Variants in NT5DC3 observed in about 807,000 individuals in gnomAD.
NT5DC3 encodes 5'-nucleotidase domain-containing protein 3.
A neutral mutation model predicts 67.8 loss-of-function variants in NT5DC3; 42 were observed. The ratio of observed to expected loss-of-function variants is 0.62; its 90% confidence interval spans 0.48 to 0.80. The LOEUF (loss-of-function observed/expected upper bound fraction) is 0.80. Ranked by LOEUF, NT5DC3 falls within the 30% of genes least tolerant of loss-of-function variation. NT5DC3 has a pLI of 0.00. For missense variants in NT5DC3, 570 were observed against 696.4 expected (o/e 0.82, Z 2.04); for synonymous variants, 237 against 255.6 (o/e 0.93, Z 0.69).
At chr12:103,769,834 G>C (rs889197966), downstream of NT5DC3, among the ~76,000 whole-genome samples, 3 of 152,262 alleles carry the variant, frequency 2.0e-5, no homozygotes, top group Admixed American at 6.5e-5. Context: ...AAATGTGTTA[G>C]CTTGTTAATT....
chr12:103,835,146 C>A (rs1888093258), intron 1 of NT5DC3, among the ~76,000 whole-genome samples: 1 of 152,202 alleles, frequency 6.6e-6, no homozygotes, highest in African/African-American at 2.4e-5. Context: ...TGAACCCTCC[C>A]TATCAGACTC....
chr12:103,759,390 A>G, the NT5DC3 span: 1 of 1,414,346 alleles, frequency 7.1e-7, no homozygotes, highest in African/African-American at 1.4e-5. Flanking sequence ...CTAAACCTGC[A>G]GATAGGGGAC....
At chr12:103,829,032 A>G (rs570227863) in intron 1 of NT5DC3, among the ~76,000 whole-genome samples, 2 of 152,208 alleles carry the variant, frequency 1.3e-5, no homozygotes, top group South Asian at 2.1e-4. Context: ...TACCACATAC[A>G]TGTGTGTCCC....
intron 1 of NT5DC3, among the ~76,000 whole-genome samples, chr12:103,816,606 T>C (rs532914817): frequency 2.0e-5 from 3 of 152,348 alleles, no homozygotes; most frequent in African/African-American, 7.2e-5. Flanking sequence ...TTCTATTTTT[T>C]TCTTGGAAGC....
rs768622028 is a variant in NT5DC3 at position 103,775,613 on chromosome 12, C to A, written c.*2216G>T. ...CCATTAAGTGTCAGCCTCCAATACACCCTGATGGCGAAAACACCTAGAAGC... is the reference window on the plus strand; with the variant it reads ...CCATTAAGTGTCAGCCTCCAATACAACCTGATGGCGAAAACACCTAGAAGC... On this transcript the variant is annotated 3_prime_UTR_variant, in exon 14 of 14. Coordinates refer to ENST00000392876, the MANE Select transcript of NT5DC3 (RefSeq NM_001031701.3). 5 of 152,158 alleles carry A rather than the reference C, an allele frequency of 3.3e-5. No individual in the cohort carries two copies. Among genetic ancestry groups the A allele is most frequent in the East Asian group, 3.9e-4 (2 of 5,190 alleles). The allele number at this position is 152,158 out of a possible 1,614,324, so 9.4% of individuals were successfully genotyped here.
intron 9 of NT5DC3, among the ~76,000 whole-genome samples, chr12:103,790,770 G>A (rs1487872857): frequency 3.5e-5 from 5 of 141,722 alleles, no homozygotes; most frequent in African/African-American, 1.3e-4. Context: ...GCATGACCTC[G>A]GCTCTGCCTC....
At chr12:103,751,907 A>G in the NT5DC3 span, among the ~76,000 whole-genome samples, 2 of 152,212 alleles carry the variant, frequency 1.3e-5, no homozygotes, top group Non-Finnish European at 2.9e-5. Context: ...GGTTACCATT[A>G]GCTTGGGAGA....
intron 13 of NT5DC3, 82 bp from the exon 14 acceptor site, chr12:103,778,163 C>CT (rs141837728): frequency 4.7e-4 from 602 of 1,273,134 alleles, no homozygotes; most frequent in African/African-American, 4.7e-3. Context: ...AAAATCACTT[C>CT]TTTTTTTAAA....
intron 1 of NT5DC3, 23 bp from the exon 2 acceptor site, chr12:103,815,144 C>T (rs1416343193): frequency 1.4e-6 from 2 of 1,459,646 alleles, no homozygotes; most frequent in South Asian, 1.2e-5. Flanking sequence ...AAAAAAAATA[C>T]ATTATACTAC....
At chr12:103,748,968 G>C in the NT5DC3 span, 2 of 1,612,950 alleles carry the variant, frequency 1.2e-6, no homozygotes, top group South Asian at 2.2e-5. Flanking sequence ...TGCAGTTGTG[G>C]ATTTCTGCAA....
At chr12:103,800,844 A>G (rs1386623125) in intron 4 of NT5DC3, among the ~76,000 whole-genome samples, 1 of 152,202 alleles carries the variant, frequency 6.6e-6, no homozygotes, top group African/African-American at 2.4e-5. Context: ...TACCTTGATA[A>G]GTAATTTATC....
At chr12:103,763,906 C>G in the NT5DC3 span, 1 of 249,864 alleles carries the variant, frequency 4.0e-6, no homozygotes, top group Non-Finnish European at 7.5e-6. Context: ...GAAAAAAAGT[C>G]TTGGGCTGAA....
chr12:103,833,407 G>T (rs1324450564), intron 1 of NT5DC3, among the ~76,000 whole-genome samples: 1 of 152,078 alleles, frequency 6.6e-6, no homozygotes, highest in East Asian at 1.9e-4. Context: ...GTTGCTTGAG[G>T]AACTTATGCT....
At chr12:103,762,134 C>T in the NT5DC3 span, 1 of 1,129,382 alleles carries the variant, frequency 8.9e-7, no homozygotes, top group Non-Finnish European at 1.3e-6. Context: ...TAGACCCTGG[C>T]AGTAATAAGG....
rs187478117 is a variant in NT5DC3, at chr12:103,824,318, C to T, written c.209-9197G>A. Among the ~76,000 whole-genome samples the T allele has an allele frequency of 3.8e-3, 575 of 152,306 alleles. 1 individual carries two copies. The highest frequency in any genetic ancestry group is 0.017 in the Middle Eastern group (5 of 294). The stretch of plus-strand genomic sequence containing the variant: ...CTCTAATAACCACTCTGTTTTAAGT[C>T]ATTTTTACTTCTGCAACAGTCCAAT... On this transcript the variant is annotated intron_variant, in intron 1 of 13. Transcript: ENST00000392876.
At chr12:103,803,586 T>C (rs1886671482) in intron 4 of NT5DC3, among the ~76,000 whole-genome samples, 1 of 152,120 alleles carries the variant, frequency 6.6e-6, no homozygotes, top group Admixed American at 6.5e-5. Flanking sequence ...TAAGCCCTAG[T>C]ACCCTATCCA....
At chr12:103,760,499 G>C in the NT5DC3 span, among the ~76,000 whole-genome samples, 1 of 152,198 alleles carries the variant, frequency 6.6e-6, no homozygotes, top group South Asian at 2.1e-4. Flanking sequence ...GGCTTCAAGT[G>C]ACATGCCTGC....
intron 1 of NT5DC3, among the ~76,000 whole-genome samples, chr12:103,829,600 T>C (rs1005060745): frequency 3.9e-4 from 60 of 152,334 alleles, no homozygotes; most frequent in African/African-American, 1.3e-3. Flanking sequence ...TCTTTTAATC[T>C]GAGTTTATCA....
the NT5DC3 span, among the ~76,000 whole-genome samples, chr12:103,760,688 T>A: frequency 2.6e-5 from 4 of 152,182 alleles, no homozygotes. Flanking sequence ...GGATTCAGGT[T>A]CTGAGACATG....
Sources: gnomAD v4.1 joint callset for allele counts (sites outside exome capture counted in the v4.1 genomes callset) on GRCh38, gnomAD v4.1.1 for gene constraint, MANE v1.5 for transcripts, NCBI Gene and HGNC (gene_info 2026-07-23, HGNC 2026-07-21) for gene names.